Variants in EIF3H observed in about 807,000 individuals in gnomAD.
EIF3H encodes the protein eIF-3-gamma.
Under a neutral mutation model 44.2 loss-of-function variants are expected in EIF3H, and 26 were observed. The ratio of observed to expected loss-of-function variants is 0.59; its 90% CI spans 0.43 to 0.82. EIF3H has a LOEUF of 0.82. Among genes scored for constraint, EIF3H ranks in the 40% least tolerant of loss-of-function variants. EIF3H has a pLI of 0.00. For synonymous variants in EIF3H, 166 were observed against 151.9 expected (o/e 1.09, Z -0.68); for missense variants, 359 against 432.8 (o/e 0.83, Z 1.51).
chr8:116,755,481 G>A (rs1047817160), intron 1 of EIF3H, among the ~76,000 whole-genome samples, 185 bp downstream of exon 1: 5 of 152,152 alleles, frequency 3.3e-5, no homozygotes, highest in Non-Finnish European at 5.9e-5. Context: ...TGTCCCGTTA[G>A]AAGACAAGAG....
At chr8:116,747,715 T>C (rs1403245565) in intron 1 of EIF3H, among the ~76,000 whole-genome samples, 5 of 152,192 alleles carry the variant, frequency 3.3e-5, no homozygotes, top group African/African-American at 1.2e-4. Flanking sequence ...AACAAGCTGT[T>C]GTCCAGTCTC....
chr8:116,755,931 C>T (rs746675441), upstream of EIF3H: 1 of 1,539,256 alleles, frequency 6.5e-7, no homozygotes, highest in Non-Finnish European at 8.7e-7. Context: ...GCCCCGCCTC[C>T]CTCCTGTTTT....
At chr8:116,666,826 A>G (rs955255836) in intron 2 of EIF3H, among the ~76,000 whole-genome samples, 1 of 148,540 alleles carries the variant, frequency 6.7e-6, no homozygotes, top group South Asian at 2.2e-4. Flanking sequence ...ACCTCTTGTC[A>G]TATTTCCAGG....
intron 6 of EIF3H, among the ~76,000 whole-genome samples, chr8:116,647,894 C>T (rs529710194): frequency 7.9e-5 from 12 of 151,866 alleles, no homozygotes; most frequent in South Asian, 4.2e-4. Context: ...CTCAGTTTAT[C>T]AGACATTTGT....
intron 5 of EIF3H, among the ~76,000 whole-genome samples, chr8:116,654,919 T>TA (rs397791978): frequency 6.6e-6 from 1 of 151,666 alleles, no homozygotes; most frequent in Non-Finnish European, 1.5e-5. Context: ...TTTTTTTTTT[T>TA]AACAAGTCTC....
At chr8:116,677,224 GATA>G (rs1287484189) in intron 2 of EIF3H, among the ~76,000 whole-genome samples, 5 of 152,094 alleles carry the variant, frequency 3.3e-5, no homozygotes, top group Non-Finnish European at 7.4e-5. Flanking sequence ...CAAAAATAAA[GATA>G]ATATGTTAGA....
chr8:116,666,753 CAAA>C lies in EIF3H; in HGVS notation c.290-7776_290-7774del, dbSNP rs56700266. ...CCAAATGAGAATCTTTAGTGTTAGG[CAAA>C]AAAAAAAAAAAAAAAAAAAATTACA... On this transcript the variant is annotated intron_variant, in intron 2 of 7. Transcript: ENST00000521861. Among the ~76,000 whole-genome samples, 143 of 71,444 alleles carry C rather than the reference CAAA, an allele frequency of 2.0e-3. No homozygotes were observed. In the South Asian group the frequency reaches 0.042, roughly 21 times the overall value. 46.9% of individuals were successfully genotyped at this position (71,444 alleles called of 152,430 possible).
chr8:116,647,787 A>G (rs779026043), intron 6 of EIF3H, among the ~76,000 whole-genome samples: 7 of 152,204 alleles, frequency 4.6e-5, no homozygotes, highest in Non-Finnish European at 1.0e-4. Flanking sequence ...GGGTACTCAT[A>G]GGAAACAAAT....
intron 2 of EIF3H, among the ~76,000 whole-genome samples, chr8:116,707,657 TTTCA>T (rs1374987576): frequency 2.6e-5 from 4 of 152,182 alleles, no homozygotes; most frequent in African/African-American, 9.7e-5. Flanking sequence ...GTGTTCATCT[TTTCA>T]TTCTCATTGC....
intron 2 of EIF3H, among the ~76,000 whole-genome samples, chr8:116,662,044 G>A (rs975003760): frequency 6.6e-6 from 1 of 151,988 alleles, no homozygotes. Flanking sequence ...GCAAGATTTT[G>A]GACACATTTG....
chr8:116,652,770 GA>G lies in EIF3H; in HGVS notation c.707+3085del, dbSNP rs563812913. 1.1e-3 allele frequency among the ~76,000 whole-genome samples: 162 copies of G among 142,130 alleles called. 4 individuals carry two copies. The South Asian group carries it at 0.022, about 20-fold the overall frequency. The allele number at this position is 142,130 out of a possible 152,430, so 93.2% of individuals were successfully genotyped here. ...TTGGAAAAATGAGCCTATAAAGATT[GA>G]AAAAAAAAAACTAGTATAGAAAGAA... On this transcript the variant is annotated intron_variant, in intron 5 of 7. Transcript: ENST00000521861.
At chr8:116,730,297 G>A (rs111396344) in intron 1 of EIF3H, among the ~76,000 whole-genome samples, 1,693 of 152,274 alleles carry the variant, frequency 0.011, 35 homozygotes, top group African/African-American at 0.039. Flanking sequence ...CTCCTGTCAG[G>A]TGACCAGTGG....
chr8:116,697,235 G>C (rs1814284689), intron 2 of EIF3H: 1 of 454,224 alleles, frequency 2.2e-6, no homozygotes, highest in African/African-American at 2.0e-5. Context: ...GGAAATACTG[G>C]GCCTAGATGA....
At chr8:116,719,317 T>C (rs918930176) in intron 2 of EIF3H, among the ~76,000 whole-genome samples, 2 of 152,186 alleles carry the variant, frequency 1.3e-5, no homozygotes, top group African/African-American at 4.8e-5. Context: ...ACTGTGGCTA[T>C]CACCATCAAG....
chr8:116,757,275 T>A (rs1586499843), upstream of EIF3H, among the ~76,000 whole-genome samples: 1 of 148,874 alleles, frequency 6.7e-6, no homozygotes, highest in African/African-American at 2.5e-5. Flanking sequence ...GAGGTACAAC[T>A]GAGAGAGAGA....
At position 116,697,240 on chromosome 8, in the gene EIF3H, A is replaced by C. The variant is rs1258821153; in HGVS notation, c.289+28776T>G. 3 of 453,586 alleles carry C rather than the reference A, an allele frequency of 6.6e-6. No homozygotes were observed. The East Asian group carries it at 2.1e-4, about 32-fold the overall frequency. The allele number at this position is 453,586 out of a possible 1,614,324, so 28.1% of individuals were successfully genotyped here. A position where few individuals can be genotyped will look rare whatever the true frequency, so the allele number is the denominator to read the frequency against. On this transcript the variant is annotated intron_variant, in intron 2 of 7. Coordinates refer to ENST00000521861, the MANE Select transcript of EIF3H (RefSeq NM_003756.3). ...TCACCCCAAAGGAAATACTGGGCCT[A>C]GATGAAATCAGAAGAAACAAAAAAA...
At chr8:116,708,667 C>T (rs879670255) in intron 2 of EIF3H, among the ~76,000 whole-genome samples, 2 of 152,018 alleles carry the variant, frequency 1.3e-5, no homozygotes, top group Non-Finnish European at 2.9e-5. Flanking sequence ...CAAAGATGTT[C>T]ATCAAAACCA....
chr8:116,698,818 C>T (rs897451398), intron 2 of EIF3H, among the ~76,000 whole-genome samples: 3 of 151,982 alleles, frequency 2.0e-5, no homozygotes, highest in Non-Finnish European at 4.4e-5. Context: ...ATACCAATGG[C>T]TCATTAGAGC....
chr8:116,656,384 T>C (rs990365658), intron 4 of EIF3H, among the ~76,000 whole-genome samples: 1 of 152,216 alleles, frequency 6.6e-6, no homozygotes, highest in African/African-American at 2.4e-5. Flanking sequence ...ATACTCTATT[T>C]CTTGAAAAGT....
Sources: gnomAD v4.1 joint callset for allele counts (sites outside exome capture counted in the v4.1 genomes callset) on GRCh38, gnomAD v4.1.1 for gene constraint, MANE v1.5 for transcripts, NCBI Gene and HGNC (gene_info 2026-07-23, HGNC 2026-07-21) for gene names.